ELMO1: variants seen among roughly 807,000 people sequenced by gnomAD.
The protein encoded by ELMO1 is engulfment and cell motility 1, also known as engulfment and cell motility protein 1.
ELMO1 carries 26 observed loss-of-function variants against 98.9 expected under a neutral mutation model. The observed-to-expected ratio is 0.26, with a 90% CI of 0.19 to 0.36. The LOEUF (loss-of-function observed/expected upper bound fraction) is 0.36, where lower values mean the gene tolerates loss of function less well. Among genes scored for constraint, ELMO1 ranks in the 10% least tolerant of loss-of-function variants. The pLI, the probability that ELMO1 is intolerant of heterozygous loss-of-function variation, is 1.00. For synonymous variants in ELMO1, 346 were observed against 346.0 expected (o/e 1.00, Z 0.00); for missense variants, 627 against 935.2 (o/e 0.67, Z 4.30).
At chr7:37,105,537 G>A (rs545293921) in intron 14 of ELMO1, among the ~76,000 whole-genome samples, 1 of 152,126 alleles carries the variant, frequency 6.6e-6, no homozygotes, top group Admixed American at 6.6e-5. Flanking sequence ...AATGCAGATT[G>A]CTGGACTCCA....
At chr7:37,105,057 A>T (rs1784869769) in intron 14 of ELMO1, among the ~76,000 whole-genome samples, 1 of 152,236 alleles carries the variant, frequency 6.6e-6, no homozygotes, top group Non-Finnish European at 1.5e-5. Flanking sequence ...TAAAGCCTGG[A>T]GCTTCATAAT....
rs956078397 is a variant in ELMO1, at chr7:36,899,728, A to T, written c.1438-4711T>A. On this transcript the variant is annotated intron_variant, in intron 16 of 21. Transcript: ENST00000310758. ...CACTCCTAAACTAGGAGTACTAATC[A>T]TTTAGAATTCAAAAAGTTTTAAATT... Among the ~76,000 whole-genome samples the T allele has an allele frequency of 1.7e-4, 20 of 119,120 alleles. No homozygotes were observed. In the East Asian group the frequency reaches 4.3e-3, roughly 26 times the overall value. The allele number at this position is 119,120 out of a possible 152,430, so 78.1% of individuals were successfully genotyped here.
At chr7:37,166,823 G>A (rs1289133913) in intron 13 of ELMO1, among the ~76,000 whole-genome samples, 1 of 152,160 alleles carries the variant, frequency 6.6e-6, no homozygotes, top group Non-Finnish European at 1.5e-5. Flanking sequence ...TATTGATTTG[G>A]GGAGGAGAGT....
At chr7:37,404,776 G>A (rs1803682843) in intron 1 of ELMO1, among the ~76,000 whole-genome samples, 1 of 152,200 alleles carries the variant, frequency 6.6e-6, no homozygotes, top group Admixed American at 6.5e-5. Flanking sequence ...TTTGGGGCTT[G>A]GAAGGCTGGC....
intron 15 of ELMO1, among the ~76,000 whole-genome samples, chr7:37,031,398 A>G (rs1157596622): frequency 6.6e-6 from 1 of 152,140 alleles, no homozygotes; most frequent in Admixed American, 6.5e-5. Flanking sequence ...AGAAAATAAG[A>G]CAATAATGAA....
intron 1 of ELMO1, among the ~76,000 whole-genome samples, chr7:37,427,943 TG>T (rs1422509248): frequency 6.6e-6 from 1 of 152,184 alleles, no homozygotes; most frequent in African/African-American, 2.4e-5. Context: ...CCATGCATTC[TG>T]ATCAATAGGG....
At position 36,974,188 on chromosome 7, in the gene ELMO1, A is replaced by C. The variant is rs916513359; in HGVS notation, c.1437+39111T>G. ...CCCCGGTGTGGTATCCACTGGGTGAAGCCAGCTGGGCTCCTGAGTCTGGTG... is the reference window on the plus strand; with the variant it reads ...CCCCGGTGTGGTATCCACTGGGTGACGCCAGCTGGGCTCCTGAGTCTGGTG... On this transcript the variant is annotated intron_variant, in intron 16 of 21. Transcript: ENST00000310758. Among the ~76,000 whole-genome samples, 12 of 152,248 alleles carry C rather than the reference A, an allele frequency of 7.9e-5. 1 individual carries two copies. The highest frequency in any genetic ancestry group is 7.8e-4 in the Admixed American group (12 of 15,288).
chr7:37,018,982 T>C (rs1433671996), intron 15 of ELMO1, among the ~76,000 whole-genome samples: 1 of 152,180 alleles, frequency 6.6e-6, no homozygotes, highest in Non-Finnish European at 1.5e-5. Context: ...AGTCAACCAA[T>C]CATTCTTGAT....
intron 7 of ELMO1, among the ~76,000 whole-genome samples, chr7:37,235,249 G>A (rs557689180): frequency 2.0e-5 from 3 of 151,948 alleles, no homozygotes; most frequent in South Asian, 4.2e-4. Context: ...AAAAAAAGAA[G>A]AAGAAAAGAA....
At chr7:37,308,407 C>T (rs781101822) in intron 4 of ELMO1, among the ~76,000 whole-genome samples, 1 of 152,192 alleles carries the variant, frequency 6.6e-6, no homozygotes, top group Non-Finnish European at 1.5e-5. Context: ...GATGGTCCTA[C>T]GCTGGCTTTA....
chr7:36,926,296 C>G (rs1398062931), intron 16 of ELMO1, among the ~76,000 whole-genome samples: 1 of 152,216 alleles, frequency 6.6e-6, no homozygotes, highest in African/African-American at 2.4e-5. Context: ...AGGCTTGGGC[C>G]TGGAGTGACT....
intron 15 of ELMO1, among the ~76,000 whole-genome samples, chr7:37,081,916 G>A (rs909655162): frequency 6.6e-5 from 10 of 152,212 alleles, no homozygotes; most frequent in African/African-American, 2.4e-4. Flanking sequence ...GCAGCAAGCT[G>A]AGTTCTCACC....
chr7:36,868,348 CTTTT>C (rs70977202), intron 20 of ELMO1, among the ~76,000 whole-genome samples: 9 of 140,630 alleles, frequency 6.4e-5, no homozygotes, highest in African/African-American at 2.1e-4. Flanking sequence ...TCTTCTTCTT[CTTTT>C]TTTTTTTTTT....
intron 1 of ELMO1, among the ~76,000 whole-genome samples, chr7:37,366,382 C>T (rs181125766): frequency 3.9e-4 from 60 of 152,280 alleles, no homozygotes; most frequent in African/African-American, 1.4e-3. Flanking sequence ...ATGTAAATCA[C>T]TTCATCACAC....
At chr7:37,422,369 C>T (rs1347380966) in intron 1 of ELMO1, among the ~76,000 whole-genome samples, 1 of 152,164 alleles carries the variant, frequency 6.6e-6, no homozygotes, top group Non-Finnish European at 1.5e-5. Flanking sequence ...GCCAAGAGGT[C>T]GGAGTTATTG....
At chr7:37,246,795 G>GATAGATAGATAGATAGATAA (rs1192285208) in intron 6 of ELMO1, among the ~76,000 whole-genome samples, 2 of 151,638 alleles carry the variant, frequency 1.3e-5, no homozygotes, top group African/African-American at 4.9e-5. Context: ...TAGATAAACA[G>GATAGATAGATAGATAGATAA]ACAGATAGAT....
chr7:37,365,407 C>T (rs1486233574), intron 1 of ELMO1, among the ~76,000 whole-genome samples: 1 of 152,146 alleles, frequency 6.6e-6, no homozygotes, highest in African/African-American at 2.4e-5. Context: ...TTGGTGTGGG[C>T]CAACACCAAA....
intron 3 of ELMO1, among the ~76,000 whole-genome samples, chr7:37,315,414 G>GT (rs1799099934): frequency 6.6e-6 from 1 of 151,764 alleles, no homozygotes; most frequent in Non-Finnish European, 1.5e-5. Flanking sequence ...CACAGTTCTG[G>GT]TTTAAAAAAA....
At chr7:36,921,072 G>A (rs898254255) in intron 16 of ELMO1, among the ~76,000 whole-genome samples, 5 of 152,164 alleles carry the variant, frequency 3.3e-5, no homozygotes, top group African/African-American at 7.2e-5. Context: ...ATGTGAGGAC[G>A]CAAGAAGGCA....
Sources: allele counts gnomAD v4.1 joint callset (sites outside exome capture counted in the v4.1 genomes callset), GRCh38; gene constraint gnomAD v4.1.1; transcripts MANE v1.5; gene names NCBI Gene and HGNC (gene_info 2026-07-23, HGNC 2026-07-21).